The following ITPR2 variants were observed in gnomAD, a reference collection of about 807,000 sequenced individuals.
ITPR2 encodes the protein inositol 1,4,5-trisphosphate-gated calcium channel ITPR2.
A neutral mutation model predicts 317.1 loss-of-function variants in ITPR2; 207 were observed. The ratio of observed to expected loss-of-function variants is 0.65; its 90% CI spans 0.58 to 0.73. The LOEUF is 0.73. Among genes scored for constraint, ITPR2 ranks in the 30% least tolerant of loss-of-function variants. The pLI is 0.00. For missense variants in ITPR2, 2,613 were observed against 3,284.0 expected (o/e 0.80, Z 4.99); for synonymous variants, 1,156 against 1,149.1 (o/e 1.01, Z -0.12).
At chr12:26,359,403 T>C (rs1026922255) in intron 55 of ITPR2, among the ~76,000 whole-genome samples, 4 of 152,202 alleles carry the variant, frequency 2.6e-5, no homozygotes, top group African/African-American at 9.7e-5. Context: ...AAGCAGGCTA[T>C]GATTTAAAAG....
Position 26,618,504 on chromosome 12 carries a change from T to C in ITPR2, c.3462+2619A>G, listed in dbSNP as rs373062901. ...CACAGCGGAGATAATATATCAAGTGTACTCAATCATCAAAAGTGGGAAAGT... is the reference window on the plus strand; with the variant it reads ...CACAGCGGAGATAATATATCAAGTGCACTCAATCATCAAAAGTGGGAAAGT... On this transcript the variant is annotated intron_variant, in intron 26 of 56. Coordinates refer to ENST00000381340, the MANE Select transcript of ITPR2 (RefSeq NM_002223.4). Among the ~76,000 whole-genome samples, 4 of 152,312 alleles carry C rather than the reference T, an allele frequency of 2.6e-5. 1 individual carries two copies. The highest frequency in any genetic ancestry group is 9.6e-5 in the African/African-American group (4 of 41,572).
intron 45 of ITPR2, among the ~76,000 whole-genome samples, chr12:26,449,932 T>C (rs1044928963): frequency 2.0e-5 from 3 of 152,180 alleles, no homozygotes; most frequent in South Asian, 2.1e-4. Flanking sequence ...AATTTGCAGA[T>C]GTGATGAAGT....
chr12:26,642,874 G>C (rs1947025305), intron 21 of ITPR2, among the ~76,000 whole-genome samples: 1 of 152,142 alleles, frequency 6.6e-6, no homozygotes, highest in Non-Finnish European at 1.5e-5. Context: ...CCTTTCAGAA[G>C]TGAAGGTCTA....
At chr12:26,734,627 T>TA (rs57269056) in intron 2 of ITPR2, among the ~76,000 whole-genome samples, 6,199 of 139,740 alleles carry the variant, frequency 0.044, 425 homozygotes, top group African/African-American at 0.15. Flanking sequence ...TGTCCTAAAT[T>TA]AAAAAAAAAA....
At chr12:26,464,564 CT>C (rs1303317844) in intron 45 of ITPR2, among the ~76,000 whole-genome samples, 1 of 152,220 alleles carries the variant, frequency 6.6e-6, no homozygotes, top group Non-Finnish European at 1.5e-5. Flanking sequence ...TTGGGGACCC[CT>C]GATCTACAGC....
intron 2 of ITPR2, among the ~76,000 whole-genome samples, chr12:26,732,227 G>C (rs879867115): frequency 1.3e-5 from 2 of 152,228 alleles, no homozygotes; most frequent in Non-Finnish European, 1.5e-5. Flanking sequence ...AAGAGGAAGA[G>C]AAATAGCATT....
At chr12:26,568,692 A>G (rs930791931) in intron 34 of ITPR2, among the ~76,000 whole-genome samples, 1 of 152,212 alleles carries the variant, frequency 6.6e-6, no homozygotes, top group Non-Finnish European at 1.5e-5. Context: ...AAGGCAACAG[A>G]AAGTGTAAGC....
At chr12:26,580,389 C>A (rs932138921) in intron 32 of ITPR2, among the ~76,000 whole-genome samples, 1 of 152,162 alleles carries the variant, frequency 6.6e-6, no homozygotes, top group Non-Finnish European at 1.5e-5. Flanking sequence ...AATTCTTTCA[C>A]AGACCCCCAG....
At chr12:26,407,532 C>T (rs921388262) in intron 52 of ITPR2, among the ~76,000 whole-genome samples, 4 of 151,912 alleles carry the variant, frequency 2.6e-5, no homozygotes, top group Non-Finnish European at 1.5e-5. Context: ...TTCATAAATA[C>T]GTAACAGAGA....
At chr12:26,759,642 A>C (rs943195921) in intron 2 of ITPR2, among the ~76,000 whole-genome samples, 16 of 152,236 alleles carry the variant, frequency 1.1e-4, no homozygotes, top group African/African-American at 3.1e-4. Flanking sequence ...AAGACTAAAG[A>C]GCAATTAGAG....
chr12:26,574,500 A>C (rs1945231417), intron 34 of ITPR2, among the ~76,000 whole-genome samples: 1 of 152,136 alleles, frequency 6.6e-6, no homozygotes, highest in Non-Finnish European at 1.5e-5. Flanking sequence ...CTTTCTATTA[A>C]TTTCTTTTTG....
intron 33 of ITPR2, 140 bp from the exon 34 acceptor site, chr12:26,578,973 C>A: frequency 1.3e-6 from 1 of 758,424 alleles, no homozygotes; most frequent in South Asian, 2.7e-5. Flanking sequence ...TAATAAATAT[C>A]TCATTCATGA....
intron 55 of ITPR2, 37 bp downstream of exon 55, chr12:26,387,397 C>T (rs758321466): frequency 6.3e-7 from 1 of 1,597,618 alleles, no homozygotes; most frequent in Non-Finnish European, 8.6e-7. Context: ...CTAAAAGATA[C>T]AATATAGTCA....
rs142589215 is a variant in ITPR2 at position 26,521,671 on chromosome 12, G to T, written c.5074-26411C>A. Among the ~76,000 whole-genome samples, 3 of 152,232 alleles carry T rather than the reference G, an allele frequency of 2.0e-5. No individual in the cohort carries two copies. The East Asian group carries it at 5.8e-4, about 29-fold the overall frequency. On this transcript the variant is annotated intron_variant, in intron 37 of 56. Coordinates refer to ENST00000381340, the MANE Select transcript of ITPR2 (RefSeq NM_002223.4). ...GAGTGGGAGGGAGGAATGAAGAAAG[G>T]AGAGATGCTCAGGGAGTCCCATCCC...
At chr12:26,717,745 CA>C (rs1343047390) in intron 5 of ITPR2, among the ~76,000 whole-genome samples, 5 of 152,072 alleles carry the variant, frequency 3.3e-5, no homozygotes, top group Non-Finnish European at 7.4e-5. Context: ...AGAAATCGGA[CA>C]GATGGAATAA....
At chr12:26,612,592 C>A (rs935666446) in intron 26 of ITPR2, among the ~76,000 whole-genome samples, 3 of 152,046 alleles carry the variant, frequency 2.0e-5, no homozygotes, top group African/African-American at 7.2e-5. Context: ...TATATTAATT[C>A]ATTATATAGG....
At chr12:26,497,867 C>T (rs1034829409) in intron 37 of ITPR2, among the ~76,000 whole-genome samples, 4 of 152,020 alleles carry the variant, frequency 2.6e-5, no homozygotes, top group East Asian at 3.9e-4. Flanking sequence ...CACACCACCA[C>T]GCCTGGCTAA....
intron 13 of ITPR2, among the ~76,000 whole-genome samples, chr12:26,676,756 TA>T (rs955822703): frequency 4.7e-5 from 7 of 150,480 alleles, no homozygotes; most frequent in African/African-American, 1.2e-4. Flanking sequence ...GAAATAAGAT[TA>T]AAAAAATAAA....
At chr12:26,722,763 TAATGA>T (rs1324818326) in intron 4 of ITPR2, among the ~76,000 whole-genome samples, 2 of 152,048 alleles carry the variant, frequency 1.3e-5, no homozygotes, top group Non-Finnish European at 2.9e-5. Context: ...TTCTGCTTCA[TAATGA>T]AGTCGGCATA....
Sources: allele counts gnomAD v4.1 joint callset (sites outside exome capture counted in the v4.1 genomes callset), GRCh38; gene constraint gnomAD v4.1.1; transcripts MANE v1.5; gene names NCBI Gene and HGNC (gene_info 2026-07-23, HGNC 2026-07-21).